Variants in SPAG16 observed in about 807,000 individuals in gnomAD.
SPAG16 encodes sperm-associated antigen 16 protein.
Under a neutral mutation model 80.4 loss-of-function variants are expected in SPAG16, and 86 were observed. The observed-to-expected ratio is 1.07, with a 90% CI of 0.90 to 1.28. SPAG16 has a LOEUF of 1.28. Ranked by LOEUF, SPAG16 falls within the 50% of genes most tolerant of loss-of-function variation. The probability of loss-of-function intolerance (pLI) is 0.00; values close to 1 mark genes in which losing one functional copy is unlikely to be tolerated. For synonymous variants in SPAG16, 294 were observed against 265.9 expected, an observed-to-expected ratio of 1.11 and a Z score of -1.03; for missense variants, 870 against 765.3, an observed-to-expected ratio of 1.14 and a Z score of -1.61.
At chr2:213,732,024 C>T (rs1439093574) in intron 10 of SPAG16, among the ~76,000 whole-genome samples, 3 of 152,052 alleles carry the variant, frequency 2.0e-5, no homozygotes, top group African/African-American at 7.2e-5. Flanking sequence ...CCTAGATTTT[C>T]TTCTAGGGTT....
At chr2:214,008,810 T>G (rs1423732279) in intron 12 of SPAG16, among the ~76,000 whole-genome samples, 1 of 152,240 alleles carries the variant, frequency 6.6e-6, no homozygotes, top group Non-Finnish European at 1.5e-5. Flanking sequence ...TATATTAGGT[T>G]TTCTCCTGGA....
chr2:213,530,266 C>G (rs1252227324), intron 10 of SPAG16, among the ~76,000 whole-genome samples: 1 of 152,154 alleles, frequency 6.6e-6, no homozygotes, highest in Non-Finnish European at 1.5e-5. Context: ...TTTTCTGTGA[C>G]TGGCAGCACA....
intron 13 of SPAG16, among the ~76,000 whole-genome samples, chr2:214,048,083 A>G (rs72935985): frequency 0.14 from 21,540 of 152,218 alleles, 1,969 homozygotes; most frequent in Admixed American, 0.19. Flanking sequence ...CTCCTCATAC[A>G]CTGTTGGTGG....
intron 10 of SPAG16, among the ~76,000 whole-genome samples, chr2:213,711,053 T>C (rs1281047009): frequency 6.6e-6 from 1 of 152,194 alleles, no homozygotes; most frequent in Non-Finnish European, 1.5e-5. Flanking sequence ...ATATGCTAAG[T>C]ATTTGATATA....
chr2:213,698,501 A>T (rs1186519504), intron 10 of SPAG16, among the ~76,000 whole-genome samples: 1 of 152,160 alleles, frequency 6.6e-6, no homozygotes, highest in African/African-American at 2.4e-5. Context: ...GGTTCAAGCA[A>T]TCCGCCTTCC....
At chr2:214,070,054 T>C (rs1276410060) in intron 13 of SPAG16, among the ~76,000 whole-genome samples, 2 of 151,568 alleles carry the variant, frequency 1.3e-5, no homozygotes, top group Non-Finnish European at 2.9e-5. Flanking sequence ...CCTATTTTTA[T>C]CCTTTGCACA....
At chr2:213,670,679 A>G (rs1039055914) in intron 10 of SPAG16, among the ~76,000 whole-genome samples, 15 of 152,154 alleles carry the variant, frequency 9.9e-5, no homozygotes, top group African/African-American at 3.1e-4. Context: ...GCTCTGTCTA[A>G]CTAGTGCTGA....
At chr2:214,030,179 T>G (rs1416001613) in intron 13 of SPAG16, among the ~76,000 whole-genome samples, 3 of 152,158 alleles carry the variant, frequency 2.0e-5, no homozygotes, top group Non-Finnish European at 4.4e-5. Context: ...TTTCTTCTTT[T>G]GTGACTTTGA....
chr2:214,067,903 T>C (rs1412249738), intron 13 of SPAG16, among the ~76,000 whole-genome samples: 1 of 152,158 alleles, frequency 6.6e-6, no homozygotes, highest in East Asian at 1.9e-4. Flanking sequence ...CATTCTTCAG[T>C]GATTAGAGAC....
chr2:213,732,712 AAT>A (rs1001136670), intron 10 of SPAG16, among the ~76,000 whole-genome samples: 3 of 152,136 alleles, frequency 2.0e-5, no homozygotes, highest in African/African-American at 7.2e-5. Flanking sequence ...AGCATGGAAT[AAT>A]GTTTTTCCAT....
chr2:213,431,403 T>TAA (rs527510290), intron 9 of SPAG16, among the ~76,000 whole-genome samples: 6 of 145,570 alleles, frequency 4.1e-5, no homozygotes, highest in African/African-American at 1.5e-4. Context: ...TGCTTACTGG[T>TAA]AAAAAAAAAA....
intron 7 of SPAG16, among the ~76,000 whole-genome samples, chr2:213,354,910 T>G (rs1030761380): frequency 6.6e-6 from 1 of 152,212 alleles, no homozygotes; most frequent in African/African-American, 2.4e-5. Context: ...GCCATTGCTT[T>G]TGGTGTTTTA....
At chr2:213,323,612 C>A (rs941873466) in intron 5 of SPAG16, among the ~76,000 whole-genome samples, 1 of 152,180 alleles carries the variant, frequency 6.6e-6, no homozygotes, top group African/African-American at 2.4e-5. Context: ...AGAAATCCCA[C>A]TCCTGGGTAT....
intron 15 of SPAG16, among the ~76,000 whole-genome samples, chr2:214,226,385 C>T (rs944422836): frequency 2.6e-5 from 4 of 152,098 alleles, no homozygotes; most frequent in African/African-American, 9.7e-5. Context: ...GCCAAGCGCA[C>T]ATTCATGGTG....
intron 15 of SPAG16, among the ~76,000 whole-genome samples, chr2:214,350,736 A>C (rs1239927335): frequency 1.3e-5 from 2 of 152,124 alleles, no homozygotes; most frequent in Non-Finnish European, 2.9e-5. Flanking sequence ...ATATGATCCC[A>C]CCATAGTAAT....
chr2:213,990,049 G>T (rs1279570112), intron 12 of SPAG16, among the ~76,000 whole-genome samples: 1 of 151,962 alleles, frequency 6.6e-6, no homozygotes, highest in Non-Finnish European at 1.5e-5. Flanking sequence ...TCTGACATGG[G>T]GTGATCTTTA....
intron 11 of SPAG16, among the ~76,000 whole-genome samples, chr2:213,897,848 A>G (rs917294556): frequency 1.5e-4 from 23 of 152,218 alleles, no homozygotes; most frequent in African/African-American, 4.6e-4. Context: ...TCTGCAAGAA[A>G]GGACTGACTT....
At chr2:214,260,042 G>T (rs577782676) in intron 15 of SPAG16, among the ~76,000 whole-genome samples, 1 of 152,112 alleles carries the variant, frequency 6.6e-6, no homozygotes, top group Non-Finnish European at 1.5e-5. Context: ...AAACTATTCT[G>T]CTATGATTTT....
chr2:213,713,037 G>A (rs1369216295), intron 10 of SPAG16, among the ~76,000 whole-genome samples: 2 of 152,186 alleles, frequency 1.3e-5, no homozygotes, highest in African/African-American at 4.8e-5. Flanking sequence ...GGCGGCAGGA[G>A]AGAGAATGAG....
Sources: allele counts gnomAD v4.1 joint callset (sites outside exome capture counted in the v4.1 genomes callset), GRCh38; gene constraint gnomAD v4.1.1; transcripts MANE v1.5; gene names NCBI Gene and HGNC (gene_info 2026-07-23, HGNC 2026-07-21).